The following CECR2 variants were observed in gnomAD, a reference collection of about 807,000 sequenced individuals.
The protein encoded by CECR2 is chromatin remodeling regulator CECR2.
In CECR2, 30 loss-of-function variants were observed where a neutral mutation model predicts 154.5. That is an observed-to-expected ratio of 0.19 (90% CI 0.15 to 0.26). CECR2 has a LOEUF of 0.26. Ranked by LOEUF, CECR2 falls within the 10% of genes least tolerant of loss-of-function variation. The pLI, the probability that CECR2 is intolerant of heterozygous loss-of-function variation, is 1.00. For missense variants in CECR2, 1,743 were observed against 1,829.3 expected (o/e 0.95, Z 0.86); for synonymous variants, 725 against 683.7 (o/e 1.06, Z -0.94).
At chr22:17,377,375 G>T (rs1397994907) in intron 1 of CECR2, among the ~76,000 whole-genome samples, 1 of 151,820 alleles carries the variant, frequency 6.6e-6, no homozygotes, top group Admixed American at 6.6e-5. Context: ...TTTGTGCTTT[G>T]AGATTTTGAG....
intron 1 of CECR2, among the ~76,000 whole-genome samples, chr22:17,415,385 G>C (rs766701921): frequency 2.6e-5 from 4 of 152,002 alleles, no homozygotes; most frequent in African/African-American, 4.8e-5. Flanking sequence ...TCACAGACAG[G>C]GGCGCGCCAC....
chr22:17,435,641 T>G (rs2054491937), intron 1 of CECR2, among the ~76,000 whole-genome samples: 2 of 147,914 alleles, frequency 1.4e-5, no homozygotes, highest in South Asian at 4.3e-4. Flanking sequence ...ACAAACACAT[T>G]CTAGGGAGTC....
intron 5 of CECR2, 111 bp from the exon 6 acceptor site, chr22:17,502,971 C>A: frequency 1.1e-6 from 1 of 883,972 alleles, no homozygotes; most frequent in South Asian, 1.6e-5. Flanking sequence ...TTAACACACA[C>A]ACATACACTC....
chr22:17,506,940 T>C (rs1020982239), intron 7 of CECR2, among the ~76,000 whole-genome samples: 9 of 152,190 alleles, frequency 5.9e-5, no homozygotes, highest in South Asian at 2.1e-4. Context: ...AGGCGTGAGC[T>C]ACCACGTTTA....
chr22:17,433,969 A>C, intron 1 of CECR2, among the ~76,000 whole-genome samples: 1 of 152,180 alleles, frequency 6.6e-6, no homozygotes, highest in Non-Finnish European at 1.5e-5. Context: ...GGCGGTAATG[A>C]AAAATAGGTT....
intron 7 of CECR2, among the ~76,000 whole-genome samples, chr22:17,511,121 G>GT (rs1361199586): frequency 2.0e-5 from 3 of 152,176 alleles, no homozygotes; most frequent in Non-Finnish European, 4.4e-5. Context: ...GCCTTTGCTT[G>GT]TTACCTTTTA....
intron 4 of CECR2, among the ~76,000 whole-genome samples, chr22:17,500,208 CAAAAAAAA>C (rs5844315): frequency 1.7e-5 from 2 of 116,006 alleles, no homozygotes; most frequent in Non-Finnish European, 3.6e-5. Flanking sequence ...GAGACTCCAT[CAAAAAAAA>C]AAAAAAAAAA....
chr22:17,401,509 C>G (rs1293761235), intron 1 of CECR2, among the ~76,000 whole-genome samples: 8 of 151,974 alleles, frequency 5.3e-5, no homozygotes, highest in Non-Finnish European at 1.0e-4. Flanking sequence ...GGTGACCCCC[C>G]CAATCTGCTT....
At chr22:17,442,153 C>A (rs551646251) in intron 1 of CECR2, among the ~76,000 whole-genome samples, 11 of 147,618 alleles carry the variant, frequency 7.5e-5, no homozygotes, top group Non-Finnish European at 1.2e-4. Context: ...ACAGAAAAAA[C>A]CGCAAAACAA....
At chr22:17,362,203 C>G (rs1456902491) in intron 1 of CECR2, among the ~76,000 whole-genome samples, 4 of 152,128 alleles carry the variant, frequency 2.6e-5, no homozygotes, top group African/African-American at 9.6e-5. Flanking sequence ...GCCACCACAC[C>G]TGGCTAATTT....
chr22:17,452,216 G>A (rs951713110), intron 1 of CECR2, among the ~76,000 whole-genome samples: 4 of 152,144 alleles, frequency 2.6e-5, no homozygotes, highest in African/African-American at 7.2e-5. Context: ...GGGATTACAC[G>A]TGTGAGCCAC....
At chr22:17,446,445 C>T (rs749863986) in intron 1 of CECR2, among the ~76,000 whole-genome samples, 21 of 152,244 alleles carry the variant, frequency 1.4e-4, no homozygotes, top group South Asian at 6.2e-4. Flanking sequence ...CCCCAGGGCG[C>T]GGTGGCTCTT....
chr22:17,549,408 A>G lies in CECR2; in HGVS notation c.4121A>G (p.His1374Arg). The G allele has an allele frequency of 6.2e-7, 1 of 1,613,010 alleles. No individual in the cohort carries two copies. Among genetic ancestry groups the G allele is most frequent in the Non-Finnish European group, 8.5e-7 (1 of 1,179,594 alleles). ...CCTGTGGCTGCCCTCCCACCTCACC[A>G]CCCAGGGGCCACCCAGCCCAACGGC... is the stretch of plus-strand genomic sequence containing the variant. Reference protein sequence around the residue: ...SSPVAALPPHHPGATQPNGLS... With the variant: ...SSPVAALPPHRPGATQPNGLS... Residue 1374 changes from histidine (H) to arginine (R), a missense_variant, in exon 17 of 19, where the codon CAC becomes CGC. This residue lies in a region of CECR2 where 1,250 missense variants were observed against 1,192.1 expected (regional missense o/e 1.05). Transcript: ENST00000262608.
At chr22:17,440,341 G>C (rs1267348609) in intron 1 of CECR2, among the ~76,000 whole-genome samples, 1 of 152,140 alleles carries the variant, frequency 6.6e-6, no homozygotes, top group East Asian at 1.9e-4. Flanking sequence ...GCTCCCACTC[G>C]ATGTTGTAAA....
chr22:17,548,615 G>A lies in CECR2; in HGVS notation c.3328G>A (p.Gly1110Arg). The change falls in exon 17 of 19, where the codon GGA becomes AGA. Residue 1110 changes from glycine to arginine, a missense_variant. By Grantham distance (125) the Gly-to-Arg change is moderately radical. Around this residue, in one of 4 missense-constraint regions of CECR2, gnomAD observed 1,250 missense variants for 1,192.1 expected, o/e 1.05. Transcript: ENST00000262608. ...GCCCAGCACAGACCCCGGTTTGACG[G>A]GAGGCACTGTGAGCCAGTTTCCCCC... ...TPPSTDPGLT[G>R]GTVSQFPPLY... 1 of 1,613,352 alleles carries A rather than the reference G, an allele frequency of 6.2e-7. No homozygotes were observed.
intron 16 of CECR2, 96 bp from the exon 17 acceptor site, chr22:17,548,052 C>A: frequency 1.7e-6 from 2 of 1,157,996 alleles, no homozygotes; most frequent in Non-Finnish European, 2.4e-6. Context: ...AATCACCACA[C>A]ATCCACCTTA....
intron 1 of CECR2, among the ~76,000 whole-genome samples, chr22:17,375,708 C>A (rs1407382350): frequency 6.6e-6 from 1 of 152,018 alleles, no homozygotes; most frequent in Non-Finnish European, 1.5e-5. Flanking sequence ...GTAATCCCAG[C>A]ACTTTTGGGA....
At chr22:17,431,767 C>T (rs906737953) in intron 1 of CECR2, among the ~76,000 whole-genome samples, 48 of 133,246 alleles carry the variant, frequency 3.6e-4, no homozygotes, top group Non-Finnish European at 3.1e-4. Flanking sequence ...TAGTATCCCT[C>T]GTATTTTTTT....
intron 2 of CECR2, among the ~76,000 whole-genome samples, chr22:17,482,103 A>C (rs1476313408): frequency 9.4e-6 from 1 of 106,742 alleles, no homozygotes; most frequent in African/African-American, 3.9e-5. Context: ...TGACAGATCG[A>C]GACTCTGTCT....
Sources: allele counts gnomAD v4.1 joint callset (sites outside exome capture counted in the v4.1 genomes callset), GRCh38; gene constraint gnomAD v4.1.1; regional missense constraint gnomAD v4.1.1; transcripts MANE v1.5; gene names NCBI Gene and HGNC (gene_info 2026-07-23, HGNC 2026-07-21).